Variants in KMT2C observed in about 807,000 individuals in gnomAD.
KMT2C encodes histone-lysine N-methyltransferase 2C.
In KMT2C, 88 loss-of-function variants were observed where a neutral mutation model predicts 507.9. That is an observed-to-expected ratio of 0.17 (90% CI 0.15 to 0.21). The LOEUF (loss-of-function observed/expected upper bound fraction) is 0.21. Ranked by LOEUF, KMT2C falls within the 10% of genes least tolerant of loss-of-function variation. The probability of loss-of-function intolerance (pLI) is 1.00; values close to 1 mark genes in which losing one functional copy is unlikely to be tolerated. For synonymous variants in KMT2C, 2,049 were observed against 2,080.8 expected (o/e 0.98, Z 0.42); for missense variants, 4,954 against 5,957.8 (o/e 0.83, Z 5.55).
At position 152,139,110 on chromosome 7, in the gene KMT2C, T is replaced by C. The variant is rs902314609; in HGVS notation, c.14534+76A>G. On this transcript the variant is annotated intron_variant, in intron 57 of 58. Coordinates refer to ENST00000262189, the MANE Select transcript of KMT2C (RefSeq NM_170606.3). Reference sequence around the variant, plus strand: ...CCAGGCTGCCGTGAGAGCCTTTCCCTTGGCTTCAGTGTTCTCTCCACCAGC... The same window carrying C: ...CCAGGCTGCCGTGAGAGCCTTTCCCCTGGCTTCAGTGTTCTCTCCACCAGC... The C allele has an allele frequency of 3.0e-5, 43 of 1,416,184 alleles. No individual in the cohort carries two copies. In the Middle Eastern group the frequency reaches 5.3e-4, roughly 18 times the overall value. The allele number at this position is 1,416,184 out of a possible 1,614,324, so 87.7% of individuals were successfully genotyped here.
In KMT2C at chr7:152,200,486, T is replaced by C. The variant is rs1057437613; in HGVS notation, c.4093-1027A>G. On this transcript the variant is annotated intron_variant, in intron 26 of 58. Transcript: ENST00000262189. ...GCTCACGCCTGTAATCCCAGCATTT[T>C]GGGAGGCCGAGGTAGGTGGTTCACT... Among the ~76,000 whole-genome samples, 24 of 152,318 alleles carry C rather than the reference T, an allele frequency of 1.6e-4. No homozygotes were observed. The East Asian group carries it at 4.2e-3, about 27-fold the overall frequency.
intron 1 of KMT2C, among the ~76,000 whole-genome samples, chr7:152,369,887 G>A (rs967534622): frequency 2.0e-5 from 3 of 151,716 alleles, no homozygotes; most frequent in African/African-American, 7.3e-5. Context: ...AGGAATGAAA[G>A]GGGATTTCAC....
intron 7 of KMT2C, among the ~76,000 whole-genome samples, chr7:152,272,147 G>GT (rs1417823991): frequency 6.6e-6 from 1 of 152,016 alleles, no homozygotes; most frequent in Non-Finnish European, 1.5e-5. Flanking sequence ...TAATTTTAGT[G>GT]TATCTTTTAG....
In KMT2C at chr7:152,368,077, G is replaced by A; in HGVS notation, c.162-9402C>T. ...AAACTTGCTAAAAAGGTAAAGGACT[G>A]TTTACCTCTTGCTGTGGTAAGCTAG... On this transcript the variant is annotated intron_variant, in intron 1 of 58. Transcript: ENST00000262189. 5 of 894,658 alleles carry A rather than the reference G, an allele frequency of 5.6e-6. No homozygotes were observed. The South Asian group carries it at 6.6e-5, about 12-fold the overall frequency. The allele number at this position is 894,658 out of a possible 1,614,324, so 55.4% of individuals were successfully genotyped here. A position where few individuals can be genotyped will look rare whatever the true frequency, so the allele number is the denominator to read the frequency against.
intron 6 of KMT2C, among the ~76,000 whole-genome samples, chr7:152,292,105 G>A (rs2096436193): frequency 6.6e-6 from 1 of 151,934 alleles, no homozygotes; most frequent in South Asian, 2.1e-4. Context: ...GCCAAGTCTG[G>A]TAATGCTGAC....
In KMT2C at chr7:152,163,387, T is replaced by C; in HGVS notation, c.10190A>G (p.Glu3397Gly). 2 of 1,614,250 alleles carry C rather than the reference T, an allele frequency of 1.2e-6. No individual in the cohort carries two copies. Among genetic ancestry groups the C allele is most frequent in the Non-Finnish European group, 1.7e-6 (2 of 1,180,048 alleles). The change falls in exon 43 of 59, where the codon GAA becomes GGA. Residue 3397 changes from glutamate to glycine, a missense_variant. Transcript: ENST00000262189. ...DNNPFSESFQ[E>G]RERKERLREQ... is the part of the protein sequence containing the mutation. ...TCGTAAACGTTCCTTACGTTCCCGT[T>C]CTTGAAAACTTTCACTAAAGGGATT...
chr7:152,329,676 GAGAAAGGGA>G (rs1241356949), intron 3 of KMT2C, among the ~76,000 whole-genome samples: 2 of 147,842 alleles, frequency 1.4e-5, no homozygotes, highest in Non-Finnish European at 3.0e-5. Context: ...GGGAAGGAGG[GAGAAAGGGA>G]GGGAAGGAGG....
intron 3 of KMT2C, among the ~76,000 whole-genome samples, chr7:152,325,095 C>T (rs1267353209): frequency 6.6e-6 from 1 of 151,730 alleles, no homozygotes; most frequent in Admixed American, 6.6e-5. Context: ...TATCTTTTTA[C>T]TCTTGGTATT....
At chr7:152,371,141 T>G (rs1386712003) in intron 1 of KMT2C, among the ~76,000 whole-genome samples, 1 of 152,226 alleles carries the variant, frequency 6.6e-6, no homozygotes, top group Admixed American at 6.5e-5. Flanking sequence ...AAATCAGATT[T>G]AAGTCTAGTA....
intron 15 of KMT2C, 133 bp downstream of exon 15, chr7:152,238,574 A>G (rs1447438187): frequency 1.5e-6 from 1 of 655,594 alleles, no homozygotes; most frequent in Non-Finnish European, 2.4e-6. Context: ...ATTTCTTTAC[A>G]TTAAAATTTT....
intron 1 of KMT2C, among the ~76,000 whole-genome samples, chr7:152,395,657 A>G (rs1050361531): frequency 3.3e-5 from 5 of 152,068 alleles, no homozygotes; most frequent in African/African-American, 1.2e-4. Flanking sequence ...ACAGGTGCCT[A>G]CCACCATGCC....
chr7:152,337,798 T>C (rs56031431), intron 2 of KMT2C, among the ~76,000 whole-genome samples: 5,826 of 151,726 alleles, frequency 0.038, 387 homozygotes, highest in African/African-American at 0.13. Context: ...ATGACCTCTA[T>C]CTACATTCAC....
chr7:152,140,287 G>A (rs182719088), intron 55 of KMT2C, among the ~76,000 whole-genome samples: 22 of 152,310 alleles, frequency 1.4e-4, no homozygotes, highest in Middle Eastern at 3.4e-3. Flanking sequence ...AGCAGACACA[G>A]GAAACGTCAC....
chr7:152,266,408 C>T (rs1371504200), intron 7 of KMT2C, among the ~76,000 whole-genome samples: 1 of 152,060 alleles, frequency 6.6e-6, no homozygotes, highest in Non-Finnish European at 1.5e-5. Flanking sequence ...CCATGCCCAT[C>T]TAATTTTTAT....
At chr7:152,434,283 A>C (rs1173285858) in intron 1 of KMT2C, among the ~76,000 whole-genome samples, 1 of 152,188 alleles carries the variant, frequency 6.6e-6, no homozygotes, top group Non-Finnish European at 1.5e-5. Flanking sequence ...TTCCCTCACG[A>C]TTATCATAGC....
intron 28 of KMT2C, 27 bp from the exon 29 acceptor site, chr7:152,194,595 A>G: frequency 6.3e-7 from 1 of 1,597,030 alleles, no homozygotes; most frequent in Non-Finnish European, 8.6e-7. Context: ...AATAAATTTA[A>G]AGGTACATTC....
intron 6 of KMT2C, among the ~76,000 whole-genome samples, chr7:152,296,413 G>A (rs1224237636): frequency 4.1e-5 from 6 of 145,646 alleles, no homozygotes; most frequent in East Asian, 2.0e-4. Context: ...CAGCCTGGGC[G>A]AAAGGCGAAA....
At position 152,177,811 on chromosome 7, in the gene KMT2C, CTGGCAAGCTCTG is replaced by C. The variant is rs760521789; in HGVS notation, c.7630_7641del (p.Gln2544_Pro2547del). 6.2e-7 allele frequency: 1 copy of C among 1,613,810 alleles called. No homozygotes were observed. Among genetic ancestry groups the C allele is most frequent in the South Asian group, 1.1e-5 (1 of 91,048 alleles). On this transcript the variant is annotated inframe_deletion, in exon 38 of 59. Transcript: ENST00000262189. The stretch of plus-strand genomic sequence containing the variant: ...TGGCCCAGTATGTTGTGCTGCTGAA[CTGGCAAGCTCTG>C]TGGTGAAAAATGCTGAGGAAGTCCA...
chr7:152,325,907 CTTTCTT>C (rs2096824241), intron 3 of KMT2C, among the ~76,000 whole-genome samples: 1 of 144,464 alleles, frequency 6.9e-6, no homozygotes, highest in African/African-American at 2.8e-5. Flanking sequence ...TAAATTAGGT[CTTTCTT>C]TTTTTTTTTT....
Sources: allele counts gnomAD v4.1 joint callset (sites outside exome capture counted in the v4.1 genomes callset), GRCh38; gene constraint gnomAD v4.1.1; transcripts MANE v1.5; gene names NCBI Gene and HGNC (gene_info 2026-07-23, HGNC 2026-07-21).